ODAD2: variants seen among roughly 807,000 people sequenced by gnomAD.
The protein encoded by ODAD2 is outer dynein arm docking complex subunit 2.
Under a neutral mutation model 106.8 loss-of-function variants are expected in ODAD2, and 89 were observed. That is an observed-to-expected ratio of 0.83 (90% CI 0.70 to 0.99). The LOEUF (loss-of-function observed/expected upper bound fraction) is 0.99. Ranked by LOEUF, ODAD2 falls within the 50% of genes least tolerant of loss-of-function variation. ODAD2 has a pLI of 0.00. For synonymous variants in ODAD2, 404 were observed against 436.2 expected, an observed-to-expected ratio of 0.93 and a Z score of 0.92; for missense variants, 1,168 against 1,238.5, an observed-to-expected ratio of 0.94 and a Z score of 0.85.
chr10:27,912,895 T>TA (rs1321039751), intron 16 of ODAD2, among the ~76,000 whole-genome samples: 3 of 152,078 alleles, frequency 2.0e-5, no homozygotes, highest in African/African-American at 7.2e-5. Flanking sequence ...TTTAAAAAAA[T>TA]CCTTAAGGTT....
chr10:27,865,734 T>C (rs17750856), intron 17 of ODAD2, among the ~76,000 whole-genome samples: 1,688 of 152,342 alleles, frequency 0.011, 11 homozygotes, highest in South Asian at 0.023. Context: ...TGCAAACTCA[T>C]AGCCTTAAAA....
chr10:27,942,676 A>G (rs768437106), intron 12 of ODAD2, among the ~76,000 whole-genome samples: 1 of 152,218 alleles, frequency 6.6e-6, no homozygotes, highest in Non-Finnish European at 1.5e-5. Context: ...AATCATAGTA[A>G]TAATTAAATT....
At chr10:27,877,090 T>C (rs1008552264) in intron 17 of ODAD2, among the ~76,000 whole-genome samples, 2 of 152,110 alleles carry the variant, frequency 1.3e-5, no homozygotes, top group African/African-American at 2.4e-5. Flanking sequence ...CAGTTTTAAC[T>C]TTAAGATACT....
intron 16 of ODAD2, among the ~76,000 whole-genome samples, chr10:27,914,958 G>A (rs1844258999): frequency 1.3e-5 from 2 of 151,872 alleles, no homozygotes; most frequent in African/African-American, 2.4e-5. Context: ...ATTATTAAAT[G>A]AAACAACATA....
chr10:27,985,949 C>T (rs1849850784), intron 3 of ODAD2, among the ~76,000 whole-genome samples: 1 of 151,782 alleles, frequency 6.6e-6, no homozygotes, highest in Non-Finnish European at 1.5e-5. Flanking sequence ...AGTGGAAAAC[C>T]CTTGTTTAGA....
chr10:27,853,394 A>AT (rs71388937), intron 19 of ODAD2: 57 of 278,646 alleles, frequency 2.0e-4, no homozygotes, highest in African/African-American at 6.5e-4. Context: ...AAATAAATAA[A>AT]AGTAAGCCCT....
chr10:27,822,054 A>G (rs964210771), intron 19 of ODAD2, among the ~76,000 whole-genome samples: 5 of 152,210 alleles, frequency 3.3e-5, no homozygotes, highest in African/African-American at 1.2e-4. Flanking sequence ...GGGGACAGGC[A>G]CAAGGACTGG....
intron 19 of ODAD2, among the ~76,000 whole-genome samples, chr10:27,818,232 A>T (rs1044933298): frequency 6.6e-6 from 1 of 151,946 alleles, no homozygotes; most frequent in African/African-American, 2.4e-5. Context: ...AAACGTTCCA[A>T]CTAATTTCTT....
intron 19 of ODAD2, among the ~76,000 whole-genome samples, chr10:27,827,133 C>T (rs1029094695): frequency 5.9e-5 from 9 of 152,210 alleles, no homozygotes; most frequent in Admixed American, 2.0e-4. Context: ...GAAAATAACA[C>T]TTTCCTGATT....
Position 27,924,013 on chromosome 10 carries a change from A to G in ODAD2, c.2495+10997T>C, listed in dbSNP as rs376061212. Among the ~76,000 whole-genome samples the G allele has an allele frequency of 1.7e-3, 184 of 109,632 alleles. 1 individual carries two copies. Among genetic ancestry groups the G allele is most frequent in the Non-Finnish European group, 1.9e-3 (109 of 57,452 alleles). The allele number at this position is 109,632 out of a possible 152,430, so 71.9% of individuals were successfully genotyped here. On this transcript the variant is annotated intron_variant, in intron 16 of 19. Coordinates refer to ENST00000305242, the MANE Select transcript of ODAD2 (RefSeq NM_018076.5). ...AAGAAAGAAAGAAAGAAAGAAAGAA[A>G]GAAAGAAAGAAGGAAAGAGAAAGAA...
intron 19 of ODAD2, among the ~76,000 whole-genome samples, chr10:27,817,823 C>T (rs957918343): frequency 2.6e-5 from 4 of 151,870 alleles, no homozygotes; most frequent in African/African-American, 4.8e-5. Flanking sequence ...TTTTTGACAC[C>T]GTGATTTCTT....
intron 10 of ODAD2, among the ~76,000 whole-genome samples, chr10:27,959,478 G>A (rs1322401912): frequency 3.9e-5 from 6 of 151,958 alleles, no homozygotes; most frequent in African/African-American, 1.2e-4. Context: ...TGTTGCAAGC[G>A]TGGCCTAAAT....
intron 19 of ODAD2, among the ~76,000 whole-genome samples, chr10:27,829,667 C>G (rs4749262): frequency 3.3e-4 from 50 of 152,214 alleles, no homozygotes; most frequent in Admixed American, 2.1e-3. Context: ...AAAAAGCCCC[C>G]TAATAATCCC....
chr10:27,905,048 C>A (rs1294521600), intron 17 of ODAD2: 5 of 182,944 alleles, frequency 2.7e-5, no homozygotes, highest in Non-Finnish European at 3.6e-5. Flanking sequence ...GGAGATGGTG[C>A]TGAGGCTTGA....
At chr10:27,876,199 G>T (rs568228000) in intron 17 of ODAD2, among the ~76,000 whole-genome samples, 5 of 152,230 alleles carry the variant, frequency 3.3e-5, no homozygotes, top group Non-Finnish European at 7.4e-5. Flanking sequence ...AGAGAGTAGT[G>T]GTTCTCCCAG....
intron 16 of ODAD2, among the ~76,000 whole-genome samples, chr10:27,913,796 T>C (rs140623111): frequency 6.6e-6 from 1 of 152,066 alleles, no homozygotes; most frequent in Non-Finnish European, 1.5e-5. Flanking sequence ...CTATCTCACA[T>C]GAGTCGGAAT....
intron 17 of ODAD2, among the ~76,000 whole-genome samples, chr10:27,878,288 G>T (rs1841479692): frequency 6.6e-6 from 1 of 152,038 alleles, no homozygotes; most frequent in African/African-American, 2.4e-5. Flanking sequence ...CAAATAAGAT[G>T]AAAAATATAA....
intron 17 of ODAD2, among the ~76,000 whole-genome samples, chr10:27,869,467 T>A (rs553167391): frequency 6.6e-6 from 1 of 151,792 alleles, no homozygotes; most frequent in African/African-American, 2.4e-5. Flanking sequence ...TGGTACAACT[T>A]CTGGACTTAA....
intron 16 of ODAD2, among the ~76,000 whole-genome samples, chr10:27,920,863 A>G (rs1417933765): frequency 6.7e-6 from 1 of 150,192 alleles, no homozygotes; most frequent in South Asian, 2.1e-4. Context: ...TAAAAACTGA[A>G]AAAAAAAAAC....
Sources: gnomAD v4.1 joint callset for allele counts (sites outside exome capture counted in the v4.1 genomes callset) on GRCh38, gnomAD v4.1.1 for gene constraint, MANE v1.5 for transcripts, NCBI Gene and HGNC (gene_info 2026-07-23, HGNC 2026-07-21) for gene names.